The following PRIMA1 variants were observed in gnomAD, a reference collection of about 807,000 sequenced individuals.
PRIMA1 encodes proline rich membrane anchor 1.
In PRIMA1, 7 loss-of-function variants were observed where a neutral mutation model predicts 17.5. The ratio of observed to expected loss-of-function variants is 0.40; its 90% CI spans 0.23 to 0.75. The LOEUF (loss-of-function observed/expected upper bound fraction) is 0.75. Among genes scored for constraint, PRIMA1 ranks in the 30% least tolerant of loss-of-function variants. The pLI is 0.37. For synonymous variants in PRIMA1, 97 were observed against 77.9 expected, an observed-to-expected ratio of 1.25 and a Z score of -1.29; for missense variants, 200 against 201.8, an observed-to-expected ratio of 0.99 and a Z score of 0.05.
At chr14:93,728,797 C>T (rs375550647) in intron 4 of PRIMA1, among the ~76,000 whole-genome samples, 3 of 152,150 alleles carry the variant, frequency 2.0e-5, no homozygotes, top group African/African-American at 4.8e-5. Context: ...CCACGGTGCA[C>T]GGAGGCCTGG....
chr14:93,722,537 G>A (rs2076046382), intron 4 of PRIMA1, among the ~76,000 whole-genome samples: 4 of 151,902 alleles, frequency 2.6e-5, no homozygotes, highest in African/African-American at 2.4e-5. Flanking sequence ...TGGTGATGGT[G>A]ATACTCGTGA....
At chr14:93,738,668 C>G (rs1362200391) in intron 3 of PRIMA1, among the ~76,000 whole-genome samples, 2 of 152,134 alleles carry the variant, frequency 1.3e-5, no homozygotes, top group Non-Finnish European at 2.9e-5. Flanking sequence ...TGATTTTTAT[C>G]AAAGTGTAAT....
At chr14:93,756,494 G>C (rs1354708734) in intron 3 of PRIMA1, among the ~76,000 whole-genome samples, 1 of 152,158 alleles carries the variant, frequency 6.6e-6, no homozygotes, top group Non-Finnish European at 1.5e-5. Flanking sequence ...TCTTACCCGA[G>C]GGTGGGCAGG....
intron 3 of PRIMA1, among the ~76,000 whole-genome samples, chr14:93,753,154 C>T (rs974862628): frequency 1.3e-5 from 2 of 152,108 alleles, no homozygotes; most frequent in South Asian, 2.1e-4. Context: ...CCTGACTTGG[C>T]CTCCCAAGTG....
At chr14:93,756,875 T>A (rs2141176513) in intron 3 of PRIMA1, among the ~76,000 whole-genome samples, 1 of 152,158 alleles carries the variant, frequency 6.6e-6, no homozygotes, top group East Asian at 1.9e-4. Context: ...CAAGTCCCCT[T>A]CAAACGTGTC....
At chr14:93,787,535 G>A (rs1555419486) in intron 2 of PRIMA1, 91 bp downstream of exon 2, 1 of 1,511,514 alleles carries the variant, frequency 6.6e-7, no homozygotes, top group Non-Finnish European at 8.9e-7. Context: ...CAGTGGGGTG[G>A]CTGCAAGAGG....
chr14:93,733,690 T>C lies in PRIMA1; in HGVS notation c.359+3551A>G, dbSNP rs919037901. Among the ~76,000 whole-genome samples, 6 of 150,970 alleles carry C rather than the reference T, an allele frequency of 4.0e-5. No homozygotes were observed. The East Asian group carries it at 1.2e-3, about 29-fold the overall frequency. ...TTAAAAGAAAAAAAAAAGAGTAGGG[T>C]TTATCACTAAATTTTCCTTTTAATG... On this transcript the variant is annotated intron_variant, in intron 4 of 4. Coordinates refer to ENST00000393140, the MANE Select transcript of PRIMA1 (RefSeq NM_178013.4).
At chr14:93,755,368 C>T (rs912507716) in intron 3 of PRIMA1, among the ~76,000 whole-genome samples, 1 of 152,112 alleles carries the variant, frequency 6.6e-6, no homozygotes, top group Admixed American at 6.5e-5. Context: ...TTTTTACGAG[C>T]TGAATGGATG....
chr14:93,769,923 T>C (rs953621570), intron 3 of PRIMA1, among the ~76,000 whole-genome samples: 16 of 152,152 alleles, frequency 1.1e-4, no homozygotes, highest in Admixed American at 9.8e-4. Flanking sequence ...CACCTGAGTC[T>C]GCTTCATCAT....
chr14:93,787,730 G>A lies in PRIMA1; in HGVS notation c.-12C>T, dbSNP rs371925227. On this transcript the variant is annotated 5_prime_UTR_variant, in exon 2 of 5. Coordinates refer to ENST00000393140, the MANE Select transcript of PRIMA1 (RefSeq NM_178013.4). ...TCCCGGAGGAGCATCTCGGCCAGCGGCGCCCGCTCCTGGGGCGAACTGTCA... is the reference window on the plus strand; with the variant it reads ...TCCCGGAGGAGCATCTCGGCCAGCGACGCCCGCTCCTGGGGCGAACTGTCA... 28 of 1,542,160 alleles carry A rather than the reference G, an allele frequency of 1.8e-5. No homozygotes were observed. The highest frequency in any genetic ancestry group is 3.8e-4 in the Middle Eastern group (2 of 5,306).
intron 4 of PRIMA1, among the ~76,000 whole-genome samples, chr14:93,734,666 C>G (rs926334427): frequency 6.6e-6 from 1 of 152,120 alleles, no homozygotes; most frequent in Non-Finnish European, 1.5e-5. Context: ...CCACCCACAC[C>G]CCTGGAAGAA....
At chr14:93,765,065 C>T (rs116831371) in intron 3 of PRIMA1, among the ~76,000 whole-genome samples, 5,508 of 151,988 alleles carry the variant, frequency 0.036, 165 homozygotes, top group African/African-American at 0.073. Flanking sequence ...CCGTTGAGTC[C>T]CCCCCACTCC....
chr14:93,721,348 G>A lies in PRIMA1; in HGVS notation c.*96C>T. The A allele has an allele frequency of 1.3e-6, 1 of 758,804 alleles. No individual in the cohort carries two copies. Among genetic ancestry groups the A allele is most frequent in the Non-Finnish European group, 2.2e-6 (1 of 446,638 alleles). The allele number at this position is 758,804 out of a possible 1,614,324, so 47.0% of individuals were successfully genotyped here. On this transcript the variant is annotated 3_prime_UTR_variant, in exon 5 of 5. Transcript: ENST00000393140. ...AGGGCCTGTGAGGCAATGAAGTCCTGGACAAGCTCAGGGTTAGCTCATGTC... is the reference window on the plus strand; with the variant it reads ...AGGGCCTGTGAGGCAATGAAGTCCTAGACAAGCTCAGGGTTAGCTCATGTC...
chr14:93,727,852 G>A (rs1452567034), intron 4 of PRIMA1, among the ~76,000 whole-genome samples: 1 of 151,636 alleles, frequency 6.6e-6, no homozygotes, highest in Non-Finnish European at 1.5e-5. Flanking sequence ...AATACACAAA[G>A]CCATCTGTTC....
intron 3 of PRIMA1, among the ~76,000 whole-genome samples, chr14:93,764,880 C>T (rs750777300): frequency 6.6e-6 from 1 of 152,114 alleles, no homozygotes; most frequent in Admixed American, 6.5e-5. Context: ...GTGACTCTGA[C>T]GTTTCCTGGA....
chr14:93,773,420 G>A (rs1885123631), intron 3 of PRIMA1, among the ~76,000 whole-genome samples: 1 of 152,222 alleles, frequency 6.6e-6, no homozygotes, highest in African/African-American at 2.4e-5. Context: ...CCTGAGAAGG[G>A]AATTGAAAAG....
At chr14:93,740,637 C>T (rs1015646000) in intron 3 of PRIMA1, among the ~76,000 whole-genome samples, 39 of 152,242 alleles carry the variant, frequency 2.6e-4, no homozygotes, top group Non-Finnish European at 5.6e-4. Context: ...ACCGACACTC[C>T]TGTGGCTGGG....
intron 3 of PRIMA1, among the ~76,000 whole-genome samples, chr14:93,770,715 T>C (rs935954600): frequency 6.6e-6 from 1 of 152,202 alleles, no homozygotes; most frequent in Non-Finnish European, 1.5e-5. Context: ...CACCATCCCA[T>C]GCCCCCTCCC....
chr14:93,755,876 G>A (rs998364128), intron 3 of PRIMA1, among the ~76,000 whole-genome samples: 3 of 151,998 alleles, frequency 2.0e-5, no homozygotes, highest in African/African-American at 7.3e-5. Flanking sequence ...AGTGCCTGGC[G>A]AGGTGAGGAA....
Sources: gnomAD v4.1 joint callset for allele counts (sites outside exome capture counted in the v4.1 genomes callset) on GRCh38, gnomAD v4.1.1 for gene constraint, MANE v1.5 for transcripts, NCBI Gene and HGNC (gene_info 2026-07-23, HGNC 2026-07-21) for gene names.